The following GPC5 variants were observed in gnomAD, a reference collection of about 807,000 sequenced individuals.
The protein encoded by GPC5 is glypican 5, also known as glypican-5.
In GPC5, 47 loss-of-function variants were observed where a neutral mutation model predicts 53.9. The ratio of observed to expected loss-of-function variants is 0.87; its 90% CI spans 0.69 to 1.11. GPC5 has a LOEUF of 1.11. Among genes scored for constraint, GPC5 ranks in the 50% most tolerant of loss-of-function variants. The probability of loss-of-function intolerance (pLI) is 0.00; values close to 1 mark genes in which losing one functional copy is unlikely to be tolerated. For synonymous variants in GPC5, 286 were observed against 263.3 expected, an observed-to-expected ratio of 1.09 and a Z score of -0.84; for missense variants, 748 against 713.1, an observed-to-expected ratio of 1.05 and a Z score of -0.56.
At chr13:92,210,407 G>C (rs1017965505) in intron 7 of GPC5, among the ~76,000 whole-genome samples, 6 of 151,994 alleles carry the variant, frequency 3.9e-5, no homozygotes, top group Admixed American at 2.6e-4. Flanking sequence ...TTGAGAATTG[G>C]GGTTCAGTTC....
intron 5 of GPC5, among the ~76,000 whole-genome samples, chr13:91,897,379 A>G (rs1282989031): frequency 1.4e-5 from 2 of 145,058 alleles, no homozygotes; most frequent in African/African-American, 5.1e-5. Context: ...GCGCCTGTGC[A>G]TGTGTATGCA....
chr13:91,780,157 A>C (rs2037776452), intron 5 of GPC5, among the ~76,000 whole-genome samples: 1 of 152,300 alleles, frequency 6.6e-6, no homozygotes, highest in Non-Finnish European at 1.5e-5. Context: ...CTGTATTGTA[A>C]TCTTACGGGA....
At chr13:92,684,660 G>A (rs1369792397) in intron 7 of GPC5, among the ~76,000 whole-genome samples, 2 of 152,082 alleles carry the variant, frequency 1.3e-5, no homozygotes, top group East Asian at 3.9e-4. Flanking sequence ...ATGTACCTTG[G>A]TTGTTTCTCT....
At chr13:92,125,745 T>A (rs2041689110) in intron 6 of GPC5, among the ~76,000 whole-genome samples, 1 of 152,070 alleles carries the variant, frequency 6.6e-6, no homozygotes, top group African/African-American at 2.4e-5. Flanking sequence ...GACACTGAGA[T>A]GAACCCTCAA....
In GPC5 at chr13:92,851,263, G is replaced by A. The variant is rs1398650993; in HGVS notation, c.1562-15019G>A. On this transcript the variant is annotated intron_variant, in intron 7 of 7. Coordinates refer to ENST00000377067, the MANE Select transcript of GPC5 (RefSeq NM_004466.6). ...TTACTATTTGACATGAGATTTGGAC[G>A]GGGACACAGATCCAAACCATATCAC... Among the ~76,000 whole-genome samples the A allele has an allele frequency of 2.0e-5, 3 of 152,228 alleles. No individual in the cohort carries two copies. The South Asian group carries it at 6.2e-4, about 32-fold the overall frequency.
chr13:91,708,949 T>C (rs2036168265), intron 3 of GPC5, among the ~76,000 whole-genome samples: 1 of 152,232 alleles, frequency 6.6e-6, no homozygotes, highest in Non-Finnish European at 1.5e-5. Flanking sequence ...AAAGTTCTCA[T>C]ATATCAAAGG....
At chr13:92,752,887 C>T (rs1471507124) in intron 7 of GPC5, among the ~76,000 whole-genome samples, 2 of 152,162 alleles carry the variant, frequency 1.3e-5, no homozygotes, top group Non-Finnish European at 2.9e-5. Context: ...TGAGATCAAA[C>T]TGCAAGGCGG....
At chr13:92,381,897 A>ATCATATATATGATATATATATCATAT (rs1218262542) in intron 7 of GPC5, among the ~76,000 whole-genome samples, 7 of 101,320 alleles carry the variant, frequency 6.9e-5, no homozygotes, top group African/African-American at 2.6e-4. Context: ...TATTATATAT[A>ATCATATATATGATATATATATCATAT]ATCATATATA....
At chr13:91,410,469 C>T (rs916357388) in intron 1 of GPC5, among the ~76,000 whole-genome samples, 8 of 151,550 alleles carry the variant, frequency 5.3e-5, no homozygotes, top group African/African-American at 1.7e-4. Flanking sequence ...CCTCAGCCTC[C>T]TGAGTCGCTG....
intron 7 of GPC5, among the ~76,000 whole-genome samples, chr13:92,427,829 G>C (rs887842337): frequency 1.3e-5 from 2 of 152,106 alleles, no homozygotes; most frequent in Admixed American, 6.6e-5. Context: ...TAGCTCCTTA[G>C]TTGCTAACAA....
At chr13:91,399,515 G>A (rs1195757353) in intron 1 of GPC5, among the ~76,000 whole-genome samples, 1 of 152,182 alleles carries the variant, frequency 6.6e-6, no homozygotes, top group African/African-American at 2.4e-5. Flanking sequence ...GGGCGTGGGG[G>A]ACACGCAGTC....
At chr13:92,052,858 G>T (rs1479625935) in intron 6 of GPC5, among the ~76,000 whole-genome samples, 1 of 152,142 alleles carries the variant, frequency 6.6e-6, no homozygotes, top group Non-Finnish European at 1.5e-5. Flanking sequence ...CTCTACCTGA[G>T]TCAAGGGAAC....
intron 2 of GPC5, among the ~76,000 whole-genome samples, chr13:91,522,300 G>A (rs1489088487): frequency 6.6e-6 from 1 of 152,090 alleles, no homozygotes; most frequent in South Asian, 2.1e-4. Flanking sequence ...CTATCCTGAA[G>A]CCCCCTATGG....
At chr13:92,119,890 A>C (rs2041634716) in intron 6 of GPC5, among the ~76,000 whole-genome samples, 1 of 152,224 alleles carries the variant, frequency 6.6e-6, no homozygotes, top group Non-Finnish European at 1.5e-5. Context: ...AGCGCTCAAT[A>C]GAAAGAATAA....
intron 7 of GPC5, among the ~76,000 whole-genome samples, chr13:92,779,598 T>C (rs766628810): frequency 2.6e-5 from 4 of 152,130 alleles, no homozygotes; most frequent in Non-Finnish European, 5.9e-5. Context: ...CTCAAAGCCA[T>C]CTTCCCACCT....
chr13:92,622,534 T>C (rs191713323), intron 7 of GPC5, among the ~76,000 whole-genome samples: 4 of 152,138 alleles, frequency 2.6e-5, no homozygotes, highest in African/African-American at 9.7e-5. Context: ...CCTATGCTAC[T>C]CTCTAACATT....
chr13:92,795,309 G>T (rs529093001), intron 7 of GPC5, among the ~76,000 whole-genome samples: 17 of 152,282 alleles, frequency 1.1e-4, no homozygotes, highest in Admixed American at 3.3e-4. Context: ...AATAAACAGT[G>T]CTGGGAAAAC....
At chr13:92,534,268 CA>C (rs1239385864) in intron 7 of GPC5, among the ~76,000 whole-genome samples, 1 of 152,066 alleles carries the variant, frequency 6.6e-6, no homozygotes, top group African/African-American at 2.4e-5. Flanking sequence ...TGACAGAGTG[CA>C]ACTCTGTCTC....
At chr13:92,353,283 A>AAAAAAAAAT (rs2043495838) in intron 7 of GPC5, among the ~76,000 whole-genome samples, 3 of 150,418 alleles carry the variant, frequency 2.0e-5, no homozygotes, top group African/African-American at 7.3e-5. Flanking sequence ...AAAAAAAAAA[A>AAAAAAAAAT]AGAAATGTGT....
Sources: allele counts gnomAD v4.1 joint callset (sites outside exome capture counted in the v4.1 genomes callset), GRCh38; gene constraint gnomAD v4.1.1; transcripts MANE v1.5; gene names NCBI Gene and HGNC (gene_info 2026-07-23, HGNC 2026-07-21).